Variants in MARCHF8 observed in about 807,000 individuals in gnomAD.
MARCHF8 encodes the protein membrane associated ring-CH-type finger 8.
MARCHF8 carries 40 observed loss-of-function variants against 51.6 expected under a neutral mutation model. The ratio of observed to expected loss-of-function variants is 0.77; its 90% CI spans 0.60 to 1.01. MARCHF8 has a LOEUF of 1.01. Among genes scored for constraint, MARCHF8 ranks in the 50% least tolerant of loss-of-function variants. The probability of loss-of-function intolerance (pLI) is 0.00; values close to 1 mark genes in which losing one functional copy is unlikely to be tolerated. For missense variants in MARCHF8, 685 were observed against 708.6 expected (o/e 0.97, Z 0.38); for synonymous variants, 263 against 280.3 (o/e 0.94, Z 0.62).
At chr10:45,545,837 CT>C (rs1428867405) in intron 1 of MARCHF8, among the ~76,000 whole-genome samples, 1 of 152,172 alleles carries the variant, frequency 6.6e-6, no homozygotes, top group East Asian at 1.9e-4. Flanking sequence ...AAGGCTCCCC[CT>C]GCCACATCAC....
intron 3 of MARCHF8, among the ~76,000 whole-genome samples, chr10:45,486,904 G>A (rs948088989): frequency 5.3e-5 from 8 of 150,000 alleles, no homozygotes; most frequent in Non-Finnish European, 1.2e-4. Context: ...CCGCCTCCCA[G>A]GTTCAAGCGA....
chr10:45,592,185 C>A (rs193053224), intron 1 of MARCHF8, among the ~76,000 whole-genome samples: 102 of 150,292 alleles, frequency 6.8e-4, no homozygotes, highest in African/African-American at 2.4e-3. Context: ...TTGGTCTGGA[C>A]AAGAAAGAAA....
At chr10:45,533,402 G>A (rs2043921777) in intron 1 of MARCHF8, 113 bp from the exon 2 acceptor site, 2 of 567,842 alleles carry the variant, frequency 3.5e-6, no homozygotes, top group South Asian at 1.2e-4. Flanking sequence ...ATAAGTTACG[G>A]CAACATAAAT....
Position 45,461,619 on chromosome 10 carries a change from G to A in MARCHF8, c.1089-208C>T, listed in dbSNP as rs574940654. 19 of 391,500 alleles carry A rather than the reference G, an allele frequency of 4.9e-5. No individual in the cohort carries two copies. The East Asian group carries it at 6.0e-4, about 12-fold the overall frequency. The allele number at this position is 391,500 out of a possible 1,614,324, so 24.3% of individuals were successfully genotyped here. On this transcript the variant is annotated intron_variant, in intron 5 of 7. Transcript: ENST00000453424. The stretch of plus-strand genomic sequence containing the variant: ...CCGCACCAACATGGAAAGTCTGGAG[G>A]GCATTTGGCAACAGAAAGGAAAAAA...
At chr10:45,459,753 C>G in intron 6 of MARCHF8, 1 of 985,444 alleles carries the variant, frequency 1.0e-6, no homozygotes, top group Non-Finnish European at 1.2e-6. Context: ...TTGGTCCTTG[C>G]TACTTTGGCA....
At chr10:45,479,392 GA>G (rs1354794630) in intron 3 of MARCHF8, among the ~76,000 whole-genome samples, 2 of 152,170 alleles carry the variant, frequency 1.3e-5, no homozygotes, top group African/African-American at 4.8e-5. Flanking sequence ...ACATAAATCT[GA>G]ATGGGGGAAA....
intron 1 of MARCHF8, among the ~76,000 whole-genome samples, chr10:45,570,448 A>C (rs544887590): frequency 2.0e-5 from 3 of 152,208 alleles, no homozygotes; most frequent in African/African-American, 7.2e-5. Context: ...AAAAAAATAA[A>C]AATTTTAGCA....
chr10:45,512,573 G>C (rs1047776334), intron 2 of MARCHF8, among the ~76,000 whole-genome samples: 2 of 149,866 alleles, frequency 1.3e-5, no homozygotes, highest in African/African-American at 2.5e-5. Context: ...CCCTCTGCCC[G>C]GCCAGCCGCC....
intron 1 of MARCHF8, among the ~76,000 whole-genome samples, chr10:45,544,927 T>C (rs1397537371): frequency 6.6e-6 from 1 of 152,150 alleles, no homozygotes; most frequent in African/African-American, 2.4e-5. Flanking sequence ...CCTCTCTCTA[T>C]AGTCCAGCAA....
chr10:45,533,162 A>G lies in MARCHF8; in HGVS notation c.50T>C (p.Ile17Thr), dbSNP rs201435975. ...QISAIPSQDA[I>T]SARVYRSKTK... ...CTTACTTCTGTAGACTCTAGCAGAGATGGCATCCTGGGATGGAATGGCAGA... is the reference window on the plus strand; with the variant it reads ...CTTACTTCTGTAGACTCTAGCAGAGGTGGCATCCTGGGATGGAATGGCAGA... Residue 17 changes from isoleucine (I) to threonine (T), a missense_variant, in exon 2 of 8, where the codon ATC (isoleucine) becomes ACC (threonine). Ile to Thr is a moderately conservative substitution (Grantham distance 89). Coordinates refer to ENST00000453424, the MANE Select transcript of MARCHF8 (RefSeq NM_001282866.2). 15 of 1,612,914 alleles carry G rather than the reference A, an allele frequency of 9.3e-6. No homozygotes were observed. Among genetic ancestry groups the G allele is most frequent in the Admixed American group, 1.7e-5 (1 of 59,892 alleles).
chr10:45,560,193 T>A (rs1344055774), intron 1 of MARCHF8, among the ~76,000 whole-genome samples: 1 of 151,938 alleles, frequency 6.6e-6, no homozygotes, highest in African/African-American at 2.4e-5. Flanking sequence ...GAAAAGATAA[T>A]GTTGTAGATG....
In MARCHF8 at chr10:45,542,345, C is replaced by CAA. The variant is rs60776762; in HGVS notation, c.-78-9058_-78-9057dup. On this transcript the variant is annotated intron_variant, in intron 1 of 6. Coordinates refer to the MARCHF8 transcript ENST00000319836. ...CTGGTGACAGAGCAGGACTTCGTCT[C>CAA]AAAAAAAAAAAAAAAAAAAAAAAAA... Among the ~76,000 whole-genome samples the CAA allele has an allele frequency of 4.5e-3, 218 of 48,954 alleles. 13 individuals carry two copies. Among genetic ancestry groups the CAA allele is most frequent in the African/African-American group, 0.012 (172 of 13,860 alleles). 32.1% of individuals were successfully genotyped at this position (48,954 alleles called of 152,430 possible).
At chr10:45,475,409 G>C (rs889211208) in intron 3 of MARCHF8, among the ~76,000 whole-genome samples, 3 of 152,194 alleles carry the variant, frequency 2.0e-5, no homozygotes, top group Admixed American at 1.3e-4. Context: ...CATCCCCGGG[G>C]GGGGCTGAAG....
intron 2 of MARCHF8, among the ~76,000 whole-genome samples, chr10:45,492,294 CTT>C (rs2043095455): frequency 6.6e-6 from 1 of 151,126 alleles, no homozygotes; most frequent in African/African-American, 2.4e-5. Context: ...TCTTCTTCTT[CTT>C]CTTTTTTTTT....
intron 1 of MARCHF8, among the ~76,000 whole-genome samples, chr10:45,574,645 C>T (rs933438582): frequency 1.3e-5 from 2 of 152,134 alleles, no homozygotes; most frequent in African/African-American, 4.8e-5. Flanking sequence ...GCCCTGTAGC[C>T]TTTTTATCCA....
intron 3 of MARCHF8, among the ~76,000 whole-genome samples, chr10:45,483,988 A>C (rs962325323): frequency 1.3e-5 from 2 of 152,206 alleles, no homozygotes; most frequent in Admixed American, 6.5e-5. Context: ...CTAATGTTCA[A>C]TAACAACAGA....
At chr10:45,582,342 C>T (rs1235367558) in intron 1 of MARCHF8, among the ~76,000 whole-genome samples, 2 of 152,308 alleles carry the variant, frequency 1.3e-5, no homozygotes, top group East Asian at 3.9e-4. Context: ...CACATGAAAC[C>T]AGCCTAATTA....
chr10:45,590,648 A>G (rs866161879), intron 1 of MARCHF8, among the ~76,000 whole-genome samples: 6 of 152,272 alleles, frequency 3.9e-5, no homozygotes, highest in African/African-American at 1.4e-4. Flanking sequence ...ACATAGCATG[A>G]TGCCATTTAT....
chr10:45,587,990 T>TAG (rs2044635612), intron 1 of MARCHF8, among the ~76,000 whole-genome samples: 1 of 152,104 alleles, frequency 6.6e-6, no homozygotes, highest in Non-Finnish European at 1.5e-5. Flanking sequence ...GTAAAGAACC[T>TAG]AGACCCATAG....
Sources: allele counts gnomAD v4.1 joint callset (sites outside exome capture counted in the v4.1 genomes callset), GRCh38; gene constraint gnomAD v4.1.1; transcripts MANE v1.5; gene names NCBI Gene and HGNC (gene_info 2026-07-23, HGNC 2026-07-21).